The following MFSD8 variants were observed in gnomAD, a reference collection of about 807,000 sequenced individuals.
MFSD8 encodes major facilitator superfamily domain-containing protein 8.
MFSD8 carries 55 observed loss-of-function variants against 66.4 expected under a neutral mutation model. That is an observed-to-expected ratio of 0.83 (90% CI 0.67 to 1.04). The LOEUF is 1.04. Ranked by LOEUF, MFSD8 falls within the 50% of genes least tolerant of loss-of-function variation. The pLI, the probability that MFSD8 is intolerant of heterozygous loss-of-function variation, is 0.00. For synonymous variants in MFSD8, 202 were observed against 212.8 expected, an observed-to-expected ratio of 0.95 and a Z score of 0.44; for missense variants, 550 against 627.6, an observed-to-expected ratio of 0.88 and a Z score of 1.32.
chr4:127,945,499 T>A (rs1239373233), intron 3 of MFSD8: 3 of 151,980 alleles, frequency 2.0e-5, no homozygotes, highest in Non-Finnish European at 2.9e-5. Flanking sequence ...TTTTTATATT[T>A]TTTTTAGTAG....
At position 127,938,767 on chromosome 4, in the gene MFSD8, A is replaced by G. The variant is rs1383846066; in HGVS notation, c.754+16T>C. On this transcript the variant is annotated intron_variant, in intron 7 of 11. Transcript: ENST00000641686. Reference sequence around the variant, plus strand: ...TGATAATGTTATATTAATTCAGCCAAATGGGTTAAAAGTACCTTCTTCAAA... The same window carrying G: ...TGATAATGTTATATTAATTCAGCCAGATGGGTTAAAAGTACCTTCTTCAAA... 1 of 1,594,458 alleles carries G rather than the reference A, an allele frequency of 6.3e-7. No homozygotes were observed. The highest frequency in any genetic ancestry group is 1.7e-5 in the Admixed American group (1 of 59,814).
chr4:127,964,910 T>C (rs561341620), intron 1 of MFSD8, 162 bp downstream of exon 1: 396 of 825,148 alleles, frequency 4.8e-4, no homozygotes, highest in Middle Eastern at 2.1e-3. Context: ...TTCTCCTACG[T>C]TGGGAGCGAA....
chr4:127,965,695 G>C (rs527381951), upstream of MFSD8: 4 of 171,178 alleles, frequency 2.3e-5, no homozygotes, highest in South Asian at 4.8e-4. Flanking sequence ...GGCAGGGACC[G>C]GGGACGCGGA....
chr4:127,957,492 A>G lies in MFSD8; in HGVS notation c.154+9T>C, dbSNP rs1560775992. On this transcript the variant is annotated intron_variant, in intron 2 of 11. Coordinates refer to ENST00000641686, the MANE Select transcript of MFSD8 (RefSeq NM_001371596.2). ...TGAATTGTTAAAATTATGTATTTCTAATACTTACCTACACTGCTGAGAAAC... is the reference window on the plus strand; with the variant it reads ...TGAATTGTTAAAATTATGTATTTCTGATACTTACCTACACTGCTGAGAAAC... The G allele has an allele frequency of 6.4e-7, 1 of 1,563,002 alleles. No homozygotes were observed.
At chr4:127,924,820 C>G (rs1026791141) in intron 9 of MFSD8, among the ~76,000 whole-genome samples, 1 of 152,134 alleles carries the variant, frequency 6.6e-6, no homozygotes, top group East Asian at 1.9e-4. Context: ...CTGAAGACAT[C>G]ACAATACCTG....
chr4:127,929,613 AAAAG>A (rs763279297), intron 9 of MFSD8, among the ~76,000 whole-genome samples: 5 of 151,856 alleles, frequency 3.3e-5, no homozygotes, highest in Non-Finnish European at 7.4e-5. Flanking sequence ...AAAAAAGAAG[AAAAG>A]AAAGAAAGAG....
chr4:127,940,653 T>A (rs1306037394), intron 5 of MFSD8, among the ~76,000 whole-genome samples: 1 of 151,228 alleles, frequency 6.6e-6, no homozygotes, highest in East Asian at 1.9e-4. Context: ...GTATTTGAAG[T>A]TTTTTTTAGT....
intron 3 of MFSD8, among the ~76,000 whole-genome samples, chr4:127,946,317 T>C (rs1741027608): frequency 6.6e-6 from 1 of 152,148 alleles, no homozygotes; most frequent in South Asian, 2.1e-4. Flanking sequence ...GTAGACCTAA[T>C]CACTACTAAT....
chr4:127,953,263 C>A (rs1254779968), intron 2 of MFSD8, among the ~76,000 whole-genome samples: 1 of 151,474 alleles, frequency 6.6e-6, no homozygotes. Context: ...CTGAGGCGGG[C>A]GGATCACCTG....
intron 1 of MFSD8, among the ~76,000 whole-genome samples, chr4:127,958,309 TAGAA>T (rs1417559285): frequency 2.0e-5 from 3 of 152,172 alleles, no homozygotes; most frequent in East Asian, 1.9e-4. Flanking sequence ...ACACACACAA[TAGAA>T]AGAGTTAACA....
In MFSD8 at chr4:127,918,220, T is replaced by C. The variant is rs1244049079; in HGVS notation, c.*2410A>G. 5.3e-5 allele frequency: 8 copies of C among 152,196 alleles called. No homozygotes were observed. The highest frequency in any genetic ancestry group is 5.2e-4 in the Admixed American group (8 of 15,272). 9.4% of individuals were successfully genotyped at this position (152,196 alleles called of 1,614,324 possible). ...AAAATCTCCTGTTGTCATTTTCTCT[T>C]TATACGCAACTTGGCCTACTCAAGA... On this transcript the variant is annotated 3_prime_UTR_variant, in exon 12 of 12. Coordinates refer to ENST00000641686, the MANE Select transcript of MFSD8 (RefSeq NM_001371596.2).
chr4:127,949,765 C>T (rs887896325), intron 3 of MFSD8, 39 bp downstream of exon 3: 2 of 1,567,250 alleles, frequency 1.3e-6, no homozygotes, highest in Non-Finnish European at 1.8e-6. Context: ...GTTACTACTA[C>T]TGTAGCTATA....
rs776245759 is a variant in MFSD8, at chr4:127,933,036, G to A, written c.812C>T (p.Ala271Val). Reference sequence around the variant, plus strand: ...AGTCACAAAAAACAGAACATTGATGGCCACAACAGCAACCTGGTCAATATT... The same window carrying A: ...AGTCACAAAAAACAGAACATTGATGACCACAACAGCAACCTGGTCAATATT... The part of the protein sequence containing the change: ...QGNIDQVAVV[A>V]INVLFFVTLF... The change falls in exon 8 of 12, where the codon GCC (alanine) becomes GTC (valine). Residue 271 changes from alanine to valine, a missense_variant. Physicochemically the swap from Ala to Val is moderately conservative, Grantham distance 64. Coordinates refer to ENST00000641686, the MANE Select transcript of MFSD8 (RefSeq NM_001371596.2). 1 of 1,613,778 alleles carries A rather than the reference G, an allele frequency of 6.2e-7. No individual in the cohort carries two copies. The highest frequency in any genetic ancestry group is 8.5e-7 in the Non-Finnish European group (1 of 1,179,866).
chr4:127,936,701 A>G (rs967665014), intron 7 of MFSD8, among the ~76,000 whole-genome samples: 19 of 151,834 alleles, frequency 1.3e-4, no homozygotes, highest in African/African-American at 4.3e-4. Context: ...ATATATTTTT[A>G]TATTTCTTTA....
At chr4:127,946,934 TA>T (rs567550563) in intron 3 of MFSD8, among the ~76,000 whole-genome samples, 28 of 139,942 alleles carry the variant, frequency 2.0e-4, no homozygotes, top group East Asian at 1.0e-3. Context: ...CCACAAAAAT[TA>T]AAAAAAAAAA....
chr4:127,920,402 T>C lies in MFSD8; in HGVS notation c.*228A>G, dbSNP rs901560862. On this transcript the variant is annotated 3_prime_UTR_variant, in exon 12 of 12. Transcript: ENST00000641686. ...CCACAAAAAGGTATTATAAGAATAA[T>C]ATTTCATTTCTGAGGTAAGGAAATT... is the stretch of plus-strand genomic sequence containing the variant. 2 of 556,300 alleles carry C rather than the reference T, an allele frequency of 3.6e-6. No homozygotes were observed. The highest frequency in any genetic ancestry group is 6.4e-6 in the Non-Finnish European group (2 of 310,100). The allele number at this position is 556,300 out of a possible 1,614,324, so 34.5% of individuals were successfully genotyped here. A position where few individuals can be genotyped will look rare whatever the true frequency, so the allele number is the denominator to read the frequency against.
At chr4:127,939,655 C>A in intron 6 of MFSD8, 198 bp downstream of exon 6, 2 of 308,226 alleles carry the variant, frequency 6.5e-6, no homozygotes, top group Non-Finnish European at 1.2e-5. Flanking sequence ...AAAGACCTTC[C>A]TTTTCTGTTC....
intron 2 of MFSD8, among the ~76,000 whole-genome samples, chr4:127,954,775 A>G (rs1232780676): frequency 6.6e-6 from 1 of 152,254 alleles, no homozygotes; most frequent in Non-Finnish European, 1.5e-5. Flanking sequence ...CAGAGTATAT[A>G]AAGAATTCCT....
chr4:127,965,748 G>T, upstream of MFSD8: 1 of 162,736 alleles, frequency 6.1e-6, no homozygotes, highest in Non-Finnish European at 1.4e-5. Flanking sequence ...GGGTGAGGCT[G>T]GGGGTGAGAG....
Sources: gnomAD v4.1 joint callset for allele counts (sites outside exome capture counted in the v4.1 genomes callset) on GRCh38, gnomAD v4.1.1 for gene constraint, MANE v1.5 for transcripts, NCBI Gene and HGNC (gene_info 2026-07-23, HGNC 2026-07-21) for gene names.